GRAMD1B: variants seen among roughly 807,000 people sequenced by gnomAD.
The protein encoded by GRAMD1B is protein Aster-B.
Under a neutral mutation model 99.7 loss-of-function variants are expected in GRAMD1B, and 37 were observed. The observed-to-expected ratio is 0.37, with a 90% confidence interval of 0.29 to 0.49. The LOEUF (loss-of-function observed/expected upper bound fraction) is 0.49, where lower values mean the gene tolerates loss of function less well. GRAMD1B is among the 20% of genes least tolerant of loss of function. GRAMD1B has a pLI of 0.98. For missense variants in GRAMD1B, 888 were observed against 1,009.2 expected, an observed-to-expected ratio of 0.88 and a Z score of 1.63; for synonymous variants, 427 against 387.6, an observed-to-expected ratio of 1.10 and a Z score of -1.19.
intron 3 of GRAMD1B, 59 bp downstream of exon 3, chr11:123,577,636 G>T: frequency 7.7e-7 from 1 of 1,300,670 alleles, no homozygotes; most frequent in South Asian, 1.3e-5. Context: ...GAGCGATATT[G>T]GGGTGGTGAG....
At chr11:123,391,836 T>C (rs1275005487) in intron 1 of GRAMD1B, among the ~76,000 whole-genome samples, 1 of 152,184 alleles carries the variant, frequency 6.6e-6, no homozygotes, top group Non-Finnish European at 1.5e-5. Context: ...TGTGGATACA[T>C]CTATGAAAGA....
At chr11:123,583,406 G>GTA (rs1408302798) in intron 3 of GRAMD1B, among the ~76,000 whole-genome samples, 5 of 152,128 alleles carry the variant, frequency 3.3e-5, no homozygotes, top group Admixed American at 3.3e-4. Flanking sequence ...GTGTGTGTGT[G>GTA]TGTCTGTGTA....
At chr11:123,516,680 T>A (rs1941700750) in intron 2 of GRAMD1B, among the ~76,000 whole-genome samples, 1 of 152,168 alleles carries the variant, frequency 6.6e-6, no homozygotes, top group Non-Finnish European at 1.5e-5. Context: ...AAAAAAAAGT[T>A]GGTATAATGA....
chr11:123,531,227 C>A (rs1266088586), intron 2 of GRAMD1B, among the ~76,000 whole-genome samples: 1 of 152,118 alleles, frequency 6.6e-6, no homozygotes, highest in African/African-American at 2.4e-5. Context: ...AAGTCCAGGA[C>A]ACTGAGCGCT....
chr11:123,548,321 T>TACACACACACACAC (rs1484787385), intron 2 of GRAMD1B, among the ~76,000 whole-genome samples: 10 of 107,226 alleles, frequency 9.3e-5, no homozygotes, highest in South Asian at 2.9e-4. Flanking sequence ...TATATATATA[T>TACACACACACACAC]ATATACACAC....
intron 1 of GRAMD1B, among the ~76,000 whole-genome samples, chr11:123,369,310 A>T (rs1376565012): frequency 6.6e-6 from 1 of 152,212 alleles, no homozygotes; most frequent in Non-Finnish European, 1.5e-5. Context: ...CTAAAAAGAA[A>T]AAAAGGAAAT....
chr11:123,485,018 G>A (rs1025453232), intron 2 of GRAMD1B, among the ~76,000 whole-genome samples: 1 of 152,114 alleles, frequency 6.6e-6, no homozygotes, highest in Non-Finnish European at 1.5e-5. Flanking sequence ...TGTGAATGGC[G>A]GCATTTCCTG....
intron 2 of GRAMD1B, among the ~76,000 whole-genome samples, chr11:123,533,444 T>A (rs1487298920): frequency 2.0e-5 from 3 of 152,074 alleles, no homozygotes; most frequent in East Asian, 1.9e-4. Flanking sequence ...TTTATTTTTT[T>A]AAGACAGAGT....
In GRAMD1B at chr11:123,610,839, C is replaced by T. The variant is rs896914057; in HGVS notation, c.1919+501C>T. Among the ~76,000 whole-genome samples the T allele has an allele frequency of 2.0e-5, 3 of 152,176 alleles. No individual in the cohort carries two copies. Among genetic ancestry groups the T allele is most frequent in the Non-Finnish European group, 4.4e-5 (3 of 68,032 alleles). On this transcript the variant is annotated intron_variant, in intron 14 of 19. Transcript: ENST00000635736. The surrounding 1 kb of genome is among the most constrained non-coding windows in gnomAD (Gnocchi z 4.1). ...GAGGACAGGAATTCCATTCCACTTA[C>T]ACTTTATTCCCAGCACCCAGCTGGG... is the stretch of plus-strand genomic sequence containing the variant.
intron 4 of GRAMD1B, among the ~76,000 whole-genome samples, chr11:123,588,142 T>G (rs1245913777): frequency 6.6e-6 from 1 of 152,076 alleles, no homozygotes; most frequent in Non-Finnish European, 1.5e-5. Flanking sequence ...AGGTCAGAGT[T>G]TCCTGTGTGG....
intron 7 of GRAMD1B, chr11:123,597,942 A>C: frequency 9.1e-7 from 1 of 1,101,296 alleles, no homozygotes. Flanking sequence ...ATCCCTGAAC[A>C]CTAGAGCAGT....
chr11:123,402,007 C>T (rs527507576), intron 1 of GRAMD1B, among the ~76,000 whole-genome samples: 35 of 152,322 alleles, frequency 2.3e-4, no homozygotes, highest in African/African-American at 6.3e-4. Context: ...TGAAGCTACC[C>T]GCTCTGCATC....
chr11:123,590,678 A>G (rs929445778), intron 4 of GRAMD1B, among the ~76,000 whole-genome samples: 4 of 152,172 alleles, frequency 2.6e-5, no homozygotes, highest in Admixed American at 6.5e-5. Context: ...GGCTGAGGAA[A>G]GGGGTGTGTG....
intron 7 of GRAMD1B, chr11:123,599,000 G>T (rs1182067449): frequency 1.8e-6 from 2 of 1,085,400 alleles, no homozygotes; most frequent in Non-Finnish European, 2.9e-6. Context: ...ATGCCTTCAG[G>T]TTAATGTACT....
chr11:123,495,352 T>C (rs1020372941), intron 2 of GRAMD1B, among the ~76,000 whole-genome samples: 2 of 152,202 alleles, frequency 1.3e-5, no homozygotes, highest in Non-Finnish European at 2.9e-5. Flanking sequence ...AATACAGGGA[T>C]GTAATAGTCA....
chr11:123,547,243 A>C (rs1343783254), intron 2 of GRAMD1B, among the ~76,000 whole-genome samples: 1 of 152,166 alleles, frequency 6.6e-6, no homozygotes, highest in Admixed American at 6.5e-5. Flanking sequence ...CCCAACTCTC[A>C]ATCTGGAGAA....
intron 2 of GRAMD1B, among the ~76,000 whole-genome samples, chr11:123,483,869 G>C (rs1446919074): frequency 5.9e-5 from 9 of 152,128 alleles, no homozygotes; most frequent in Non-Finnish European, 8.8e-5. Flanking sequence ...AGTCTTGTGA[G>C]TTCTGCCCTG....
chr11:123,537,107 G>T (rs1046601664), intron 2 of GRAMD1B, among the ~76,000 whole-genome samples: 2 of 152,066 alleles, frequency 1.3e-5, no homozygotes, highest in Non-Finnish European at 2.9e-5. Context: ...GTATCTACTG[G>T]GCTAGGTGGC....
At chr11:123,446,649 T>G (rs1277473174) in intron 1 of GRAMD1B, among the ~76,000 whole-genome samples, 1 of 152,188 alleles carries the variant, frequency 6.6e-6, no homozygotes, top group African/African-American at 2.4e-5. Flanking sequence ...AAATGCCTTT[T>G]GCTTCACTGC....
Sources: allele counts gnomAD v4.1 joint callset (sites outside exome capture counted in the v4.1 genomes callset), GRCh38; gene constraint gnomAD v4.1.1; non-coding constraint Gnocchi (gnomAD v3.1); transcripts MANE v1.5; gene names NCBI Gene and HGNC (gene_info 2026-07-23, HGNC 2026-07-21).